The following CEP70 variants were observed in gnomAD, a reference collection of about 807,000 sequenced individuals.
CEP70 encodes the protein centrosomal protein 70.
Under a neutral mutation model 90.9 loss-of-function variants are expected in CEP70, and 70 were observed. The observed-to-expected ratio is 0.77, with a 90% confidence interval of 0.64 to 0.94. The LOEUF is 0.94. Among genes scored for constraint, CEP70 ranks in the 40% least tolerant of loss-of-function variants. The pLI is 0.00. For synonymous variants in CEP70, 220 were observed against 228.3 expected (o/e 0.96, Z 0.33); for missense variants, 648 against 669.0 (o/e 0.97, Z 0.35).
At chr3:138,505,677 A>G (rs1432596278) in intron 12 of CEP70, among the ~76,000 whole-genome samples, 2 of 152,198 alleles carry the variant, frequency 1.3e-5, no homozygotes, top group Admixed American at 6.5e-5. Context: ...AGAAAAGGTA[A>G]TGGGTATTTG....
At chr3:138,534,150 G>A (rs2038072428) in intron 7 of CEP70, among the ~76,000 whole-genome samples, 1 of 152,132 alleles carries the variant, frequency 6.6e-6, no homozygotes, top group South Asian at 2.1e-4. Context: ...ATAATACTAT[G>A]CTTTCATGTG....
chr3:138,508,611 C>G, intron 11 of CEP70, 67 bp from the exon 12 acceptor site: 1 of 999,176 alleles, frequency 1.0e-6, no homozygotes, highest in Non-Finnish European at 1.6e-6. Flanking sequence ...AGATGATAAA[C>G]TAAGTCAATG....
At chr3:138,593,627 A>G (rs775996213) in intron 1 of CEP70, 3 of 152,208 alleles carry the variant, frequency 2.0e-5, no homozygotes, top group Non-Finnish European at 2.9e-5. Context: ...TCACCTTGAA[A>G]AACTCCTATT....
intron 14 of CEP70, 24 bp downstream of exon 14, chr3:138,500,711 G>T: frequency 6.4e-7 from 1 of 1,554,338 alleles, no homozygotes; most frequent in South Asian, 1.2e-5. Context: ...AACATTAGAA[G>T]GTGACCGTTC....
chr3:138,573,568 T>C (rs2041326449), intron 2 of CEP70, among the ~76,000 whole-genome samples: 1 of 152,200 alleles, frequency 6.6e-6, no homozygotes, highest in South Asian at 2.1e-4. Flanking sequence ...GAGTGTTCAT[T>C]GCATCTGCTC....
At chr3:138,542,832 G>A (rs948092487) in intron 6 of CEP70, among the ~76,000 whole-genome samples, 10 of 152,324 alleles carry the variant, frequency 6.6e-5, no homozygotes, top group Middle Eastern at 3.4e-3. Flanking sequence ...ACTGGAAGGT[G>A]AGCAAGGTGG....
Position 138,580,914 on chromosome 3 carries a change from T to C in CEP70, c.-5-7982A>G, listed in dbSNP as rs79158646. Among the ~76,000 whole-genome samples the C allele has an allele frequency of 5.7e-3, 860 of 152,028 alleles. 6 individuals are homozygous for C. Among genetic ancestry groups the C allele is most frequent in the African/African-American group, 0.02 (827 of 41,508 alleles). ...GCATCAGAGCCTCTTCATAGCATAA[T>C]TGATCAAGCAGAAGAATCAGTGAGC... On this transcript the variant is annotated intron_variant, in intron 2 of 17. Coordinates refer to ENST00000264982, the MANE Select transcript of CEP70 (RefSeq NM_024491.4).
intron 11 of CEP70, among the ~76,000 whole-genome samples, chr3:138,520,391 C>T (rs1576614384): frequency 6.6e-6 from 1 of 152,212 alleles, no homozygotes; most frequent in South Asian, 2.1e-4. Flanking sequence ...TTCTTCTCAG[C>T]ACCACACCAC....
chr3:138,542,920 G>A (rs570806067), intron 6 of CEP70, among the ~76,000 whole-genome samples: 1 of 152,296 alleles, frequency 6.6e-6, no homozygotes, highest in African/African-American at 2.4e-5. Context: ...CCACAGTCAG[G>A]TAGTCCCAAT....
intron 2 of CEP70, among the ~76,000 whole-genome samples, chr3:138,581,430 G>A (rs531105880): frequency 2.6e-5 from 4 of 151,444 alleles, no homozygotes; most frequent in South Asian, 4.2e-4. Context: ...CAGGCCGGGC[G>A]CAGTGGCTCA....
At chr3:138,589,974 A>T (rs867074182) in intron 2 of CEP70, among the ~76,000 whole-genome samples, 1 of 152,210 alleles carries the variant, frequency 6.6e-6, no homozygotes, top group Non-Finnish European at 1.5e-5. Flanking sequence ...CCTCAGCATA[A>T]ACACTGGTGG....
At chr3:138,503,636 T>G (rs1390805953) in intron 13 of CEP70, among the ~76,000 whole-genome samples, 1 of 152,216 alleles carries the variant, frequency 6.6e-6, no homozygotes, top group African/African-American at 2.4e-5. Context: ...ATGGCAGAAG[T>G]AACTAATTCT....
In CEP70 at chr3:138,576,580, C is replaced by T. The variant is rs2041540178; in HGVS notation, c.-5-3648G>A. On this transcript the variant is annotated intron_variant, in intron 2 of 17. Transcript: ENST00000264982. ...TTAACAAGGATATCCAGGACTTGAACTCAGCTCTGCACCAAGCAGACCTAA... is the reference window on the plus strand; with the variant it reads ...TTAACAAGGATATCCAGGACTTGAATTCAGCTCTGCACCAAGCAGACCTAA... Among the ~76,000 whole-genome samples, 3 of 152,176 alleles carry T rather than the reference C, an allele frequency of 2.0e-5. No individual in the cohort carries two copies. In the South Asian group the frequency reaches 6.2e-4, roughly 32 times the overall value.
intron 11 of CEP70, among the ~76,000 whole-genome samples, chr3:138,518,823 C>G (rs2036315449): frequency 6.6e-6 from 1 of 152,138 alleles, no homozygotes; most frequent in Admixed American, 6.5e-5. Flanking sequence ...TGGAACAAAG[C>G]TGGACGGAAA....
At position 138,496,351 on chromosome 3, in the gene CEP70, T is replaced by C. The variant is rs139724713; in HGVS notation, c.1733-1275A>G. The C allele has an allele frequency of 2.8e-3, 2,711 of 985,362 alleles. 58 individuals are homozygous for C. The African/African-American group carries it at 0.042, about 15-fold the overall frequency. 61.0% of individuals were successfully genotyped at this position (985,362 alleles called of 1,614,324 possible). A position where few individuals can be genotyped will look rare whatever the true frequency, so the allele number is the denominator to read the frequency against. ...CTCCCGACTTCAGTCAGAATACTTG[T>C]CTGAACCCACTAACAAAGCATCAAG... is the stretch of plus-strand genomic sequence containing the variant. On this transcript the variant is annotated intron_variant, in intron 17 of 17. Transcript: ENST00000264982.
intron 2 of CEP70, among the ~76,000 whole-genome samples, chr3:138,574,353 C>T (rs761534218): frequency 6.6e-6 from 1 of 152,166 alleles, no homozygotes; most frequent in Non-Finnish European, 1.5e-5. Context: ...CGCAGCAGTC[C>T]AAGATTGAAC....
intron 6 of CEP70, among the ~76,000 whole-genome samples, chr3:138,552,681 T>C (rs1341342905): frequency 6.6e-6 from 1 of 151,932 alleles, no homozygotes; most frequent in Non-Finnish European, 1.5e-5. Flanking sequence ...AAGGTGGTGC[T>C]AAGAGGAAAA....
At position 138,551,760 on chromosome 3, in the gene CEP70, A is replaced by AT. The variant is rs1413643456; in HGVS notation, c.466-14414_466-14413insA. On this transcript the variant is annotated intron_variant, in intron 6 of 17. Coordinates refer to ENST00000264982, the MANE Select transcript of CEP70 (RefSeq NM_024491.4). ...AAACTCCATCTAAAAAAAAAAAAAT[A>AT]AAATAAAACAAAACCCAAAGTATAC... Among the ~76,000 whole-genome samples, 5 of 48,154 alleles carry AT rather than the reference A, an allele frequency of 1.0e-4. No homozygotes were observed. The South Asian group carries it at 1.2e-3, about 12-fold the overall frequency. 31.6% of individuals were successfully genotyped at this position (48,154 alleles called of 152,430 possible). A position where few individuals can be genotyped will look rare whatever the true frequency, so the allele number is the denominator to read the frequency against.
Position 138,529,201 on chromosome 3 carries a change from G to T in CEP70, c.867C>A (p.Thr289=). The T allele has an allele frequency of 6.3e-7, 1 of 1,576,774 alleles. No individual in the cohort carries two copies. Among genetic ancestry groups the T allele is most frequent in the Non-Finnish European group, 8.6e-7 (1 of 1,160,786 alleles). ...EKLNLQKDLE[T]RPTQHELRLY... is the part of the protein sequence containing the mutation. Reference sequence around the variant, plus strand: ...AAAAAAAATTAAGTTTCTCTCACCTGGTTTCCAAATCTTTTTGGAGGTTCA... The same window carrying T: ...AAAAAAAATTAAGTTTCTCTCACCTTGTTTCCAAATCTTTTTGGAGGTTCA... The change falls in exon 10 of 18, where the codon ACC becomes ACA. Residue 289 remains threonine (T), a splice_region_variant and synonymous_variant. Transcript: ENST00000264982.
Sources: gnomAD v4.1 joint callset for allele counts (sites outside exome capture counted in the v4.1 genomes callset) on GRCh38, gnomAD v4.1.1 for gene constraint, MANE v1.5 for transcripts, NCBI Gene and HGNC (gene_info 2026-07-23, HGNC 2026-07-21) for gene names.